NKD1: variants seen among roughly 807,000 people sequenced by gnomAD.
NKD1 encodes the protein NKD inhibitor of Wnt signaling pathway 1, also known as protein naked cuticle homolog 1.
A neutral mutation model predicts 56.0 loss-of-function variants in NKD1; 21 were observed. The observed-to-expected ratio is 0.38, with a 90% CI of 0.27 to 0.54. The LOEUF (loss-of-function observed/expected upper bound fraction) is 0.54. Among genes scored for constraint, NKD1 ranks in the 20% least tolerant of loss-of-function variants. The pLI, the probability that NKD1 is intolerant of heterozygous loss-of-function variation, is 0.82. For missense variants in NKD1, 578 were observed against 642.7 expected, an observed-to-expected ratio of 0.90 and a Z score of 1.09; for synonymous variants, 263 against 265.7, an observed-to-expected ratio of 0.99 and a Z score of 0.10.
At chr16:50,604,687 C>G (rs969996943) in intron 3 of NKD1, among the ~76,000 whole-genome samples, 9 of 152,228 alleles carry the variant, frequency 5.9e-5, no homozygotes, top group African/African-American at 2.2e-4. Flanking sequence ...GGATTTGAAC[C>G]AAGGTCTGAC....
In NKD1 at chr16:50,549,537, C is replaced by T. The variant is rs766629473; in HGVS notation, c.174C>T (p.Thr58=). Residue 58 remains threonine, a synonymous_variant, in exon 3 of 10, where the codon ACC becomes ACT. Transcript: ENST00000268459. ...CCCGACAGCTGCGGTTGGCGGGCAC[C>T]ATAGGCCGAAGCACCCGGGTATGAT... is the stretch of plus-strand genomic sequence containing the variant. ...SGPRQLRLAG[T]IGRSTRELVG... is the part of the protein sequence containing the mutation. The T allele has an allele frequency of 3.1e-6, 5 of 1,600,680 alleles. No homozygotes were observed. Among genetic ancestry groups the T allele is most frequent in the Non-Finnish European group, 4.3e-6 (5 of 1,172,722 alleles).
intron 3 of NKD1, among the ~76,000 whole-genome samples, chr16:50,568,759 G>C (rs929101146): frequency 6.6e-6 from 1 of 152,118 alleles, no homozygotes; most frequent in Non-Finnish European, 1.5e-5. Context: ...TTCTTTCTTG[G>C]AAATTAGGGG....
At chr16:50,619,469 G>T (rs538284332) in intron 4 of NKD1, among the ~76,000 whole-genome samples, 2 of 152,172 alleles carry the variant, frequency 1.3e-5, no homozygotes, top group African/African-American at 4.8e-5. Flanking sequence ...AGGGGACTGA[G>T]GTCCAGAGGA....
chr16:50,602,070 G>A (rs1033840958), intron 3 of NKD1, among the ~76,000 whole-genome samples: 4 of 152,204 alleles, frequency 2.6e-5, no homozygotes, highest in African/African-American at 7.2e-5. Context: ...GGGATGGGCT[G>A]GGTAATTTCC....
chr16:50,570,190 G>GT (rs1960851109), intron 3 of NKD1, among the ~76,000 whole-genome samples: 1 of 152,112 alleles, frequency 6.6e-6, no homozygotes, highest in African/African-American at 2.4e-5. Flanking sequence ...CTGTTTCTTT[G>GT]TTTTTTAATG....
intron 3 of NKD1, among the ~76,000 whole-genome samples, chr16:50,585,701 C>T (rs1476420140): frequency 6.6e-6 from 1 of 152,252 alleles, no homozygotes; most frequent in Non-Finnish European, 1.5e-5. Flanking sequence ...GTACCTCCTC[C>T]TCCTGGGCTG....
At chr16:50,596,353 C>A (rs1452793873) in intron 3 of NKD1, among the ~76,000 whole-genome samples, 3 of 151,206 alleles carry the variant, frequency 2.0e-5, no homozygotes, top group Admixed American at 6.6e-5. Context: ...AACTTGGGTG[C>A]CCATTTTTGT....
At chr16:50,588,412 T>C (rs1961275211) in intron 3 of NKD1, among the ~76,000 whole-genome samples, 1 of 152,150 alleles carries the variant, frequency 6.6e-6, no homozygotes, top group African/African-American at 2.4e-5. Flanking sequence ...ATAGCTTTAA[T>C]CCATTGTTTT....
intron 8 of NKD1, among the ~76,000 whole-genome samples, chr16:50,631,148 G>C (rs973049784): frequency 6.6e-5 from 10 of 152,216 alleles, no homozygotes; most frequent in Non-Finnish European, 1.2e-4. Flanking sequence ...TTGGGCTTTG[G>C]AAAGGTGCTC....
intron 3 of NKD1, among the ~76,000 whole-genome samples, chr16:50,551,100 T>C (rs1960374083): frequency 6.6e-6 from 1 of 152,176 alleles, no homozygotes; most frequent in Non-Finnish European, 1.5e-5. Context: ...GTGGGTCTCC[T>C]TGGCATCCAG....
chr16:50,549,288 C>G, intron 2 of NKD1, 134 bp from the exon 3 acceptor site: 1 of 1,149,532 alleles, frequency 8.7e-7, no homozygotes, highest in East Asian at 2.6e-5. Flanking sequence ...TGGCTCCTGC[C>G]CCAGCCCGCG....
In NKD1 at chr16:50,633,448, C is replaced by A. The variant is rs79472964; in HGVS notation, c.1080C>A (p.His360Gln). ...AGGGCAAGAGTGTGGGTGTGGGCCA[C>A]GTGGCCAGAGGGGCAAGAAACAAGC... ...KAQGKSVGVG[H>Q]VARGARNKPP... The change falls in exon 10 of 10, where the codon CAC becomes CAA. Residue 360 changes from histidine (H) to glutamine (Q), a missense_variant. Coordinates refer to ENST00000268459, the MANE Select transcript of NKD1 (RefSeq NM_033119.5). The surrounding 1 kb of genome is among the most constrained non-coding windows in gnomAD (Gnocchi z 4.9). 1 of 1,609,722 alleles carries A rather than the reference C, an allele frequency of 6.2e-7. No homozygotes were observed. Among genetic ancestry groups the A allele is most frequent in the Non-Finnish European group, 8.5e-7 (1 of 1,177,476 alleles).
Position 50,630,901 on chromosome 16 carries a change from C to T in NKD1, c.686C>T (p.Ala229Val), listed in dbSNP as rs757689418. 3 of 1,592,994 alleles carry T rather than the reference C, an allele frequency of 1.9e-6. No homozygotes were observed. Among genetic ancestry groups the T allele is most frequent in the Admixed American group, 3.5e-5 (2 of 57,250 alleles). The change falls in exon 8 of 10, where the codon GCC becomes GTC. Residue 229 changes from alanine to valine, a missense_variant. By Grantham distance (64) the Ala-to-Val change is moderately conservative. Transcript: ENST00000268459. ...DLRSWEKKQR[A>V]PLRFQGDSRL... ...CGGAGCTGGGAGAAGAAGCAGCGAG[C>T]CCCGCTCAGGTATGTGGGCATGGTG... is the stretch of plus-strand genomic sequence containing the variant.
intron 4 of NKD1, among the ~76,000 whole-genome samples, chr16:50,618,666 T>C (rs917664697): frequency 1.3e-5 from 2 of 152,214 alleles, no homozygotes; most frequent in South Asian, 2.1e-4. Context: ...GAGTGCTGAC[T>C]GTCCTTGTTC....
At chr16:50,558,869 A>G (rs1960561510) in intron 3 of NKD1, 1 of 152,314 alleles carries the variant, frequency 6.6e-6, no homozygotes, top group Admixed American at 6.5e-5. Context: ...AGATCGTGCC[A>G]TTGCACTCCA....
chr16:50,618,567 G>A (rs1962014618), intron 4 of NKD1, among the ~76,000 whole-genome samples: 1 of 152,206 alleles, frequency 6.6e-6, no homozygotes, highest in Non-Finnish European at 1.5e-5. Flanking sequence ...CCTGGCATTG[G>A]GGTCTGCATG....
chr16:50,598,882 G>A lies in NKD1; in HGVS notation c.193-9412G>A, dbSNP rs1321799628. Among the ~76,000 whole-genome samples, 1 of 150,694 alleles carries A rather than the reference G, an allele frequency of 6.6e-6. No individual in the cohort carries two copies. The highest frequency in any genetic ancestry group is 2.4e-5 in the African/African-American group (1 of 40,906). Reference sequence around the variant, plus strand: ...GGTGTGGCGGGCAGTGGTGGGGCAGGATCAGTGGTGTGGTGGGGTCAGTGG... The same window carrying A: ...GGTGTGGCGGGCAGTGGTGGGGCAGAATCAGTGGTGTGGTGGGGTCAGTGG... On this transcript the variant is annotated intron_variant, in intron 3 of 9. Transcript: ENST00000268459. The surrounding 1 kb of genome is among the most constrained non-coding windows in gnomAD (Gnocchi z 4.2).
At chr16:50,628,706 A>C (rs1039548985) in intron 6 of NKD1, among the ~76,000 whole-genome samples, 3 of 152,146 alleles carry the variant, frequency 2.0e-5, no homozygotes, top group Non-Finnish European at 4.4e-5. Context: ...AGGAGATGAG[A>C]TTTGGTCAAG....
chr16:50,554,909 C>T (rs1014503643), intron 3 of NKD1, among the ~76,000 whole-genome samples: 5 of 152,190 alleles, frequency 3.3e-5, no homozygotes, highest in African/African-American at 1.2e-4. Flanking sequence ...TGTGAGCCAC[C>T]ACACTTGGCC....
Sources: gnomAD v4.1 joint callset for allele counts (sites outside exome capture counted in the v4.1 genomes callset) on GRCh38, gnomAD v4.1.1 for gene constraint, Gnocchi (gnomAD v3.1) non-coding constraint, MANE v1.5 for transcripts, NCBI Gene and HGNC (gene_info 2026-07-23, HGNC 2026-07-21) for gene names.